Variants in CTSH observed in about 807,000 individuals in gnomAD.
CTSH encodes the protein pro-cathepsin H.
Under a neutral mutation model 56.3 loss-of-function variants are expected in CTSH, and 52 were observed. The observed-to-expected ratio is 0.92, with a 90% confidence interval of 0.74 to 1.16. The LOEUF (loss-of-function observed/expected upper bound fraction) is 1.16. Ranked by LOEUF, CTSH falls within the 50% of genes most tolerant of loss-of-function variation. The pLI is 0.00. For synonymous variants in CTSH, 174 were observed against 155.7 expected (o/e 1.12, Z -0.88); for missense variants, 406 against 424.5 (o/e 0.96, Z 0.38).
intron 10 of CTSH, among the ~76,000 whole-genome samples, chr15:78,924,392 G>T (rs541027483): frequency 6.6e-6 from 1 of 152,106 alleles, no homozygotes; most frequent in Non-Finnish European, 1.5e-5. Context: ...AACAGTGTGT[G>T]GGGGGTTAGG....
Position 78,934,990 on chromosome 15 carries a change from A to C in CTSH, c.393T>G (p.Pro131=). ...TTGCCAGGCATACCTGATTTTTCAC[A>C]GGTGAGACAAAATTTCCTTTTTTCC... ...DWRKKGNFVS[P]VKNQGACGSC... The change falls in exon 5 of 12, where the codon CCT becomes CCG. Residue 131 remains proline, a synonymous_variant. Transcript: ENST00000220166. 1.2e-6 allele frequency: 2 copies of C among 1,612,158 alleles called. No homozygotes were observed. Among genetic ancestry groups the C allele is most frequent in the Non-Finnish European group, 1.7e-6 (2 of 1,178,186 alleles).
chr15:78,921,850 C>T lies in CTSH; in HGVS notation c.*280G>A, dbSNP rs5849. On this transcript the variant is annotated 3_prime_UTR_variant, in exon 12 of 12. Transcript: ENST00000220166. ...CTGGAGCTCTATATGTGGAAAGTAGCCCTTCTGGACAGAAAGAATATTCGT... is the reference window on the plus strand; with the variant it reads ...CTGGAGCTCTATATGTGGAAAGTAGTCCTTCTGGACAGAAAGAATATTCGT... The T allele has an allele frequency of 0.053, 23,897 of 451,858 alleles. 726 individuals carry two copies. The highest frequency in any genetic ancestry group is 0.097 in the Middle Eastern group (167 of 1,714). 28.0% of individuals were successfully genotyped at this position (451,858 alleles called of 1,614,324 possible).
chr15:78,931,428 G>A lies in CTSH; in HGVS notation c.548+23C>T, dbSNP rs756352022. 2.5e-6 allele frequency: 4 copies of A among 1,614,000 alleles called. No homozygotes were observed. The South Asian group carries it at 4.4e-5, about 18-fold the overall frequency. On this transcript the variant is annotated intron_variant, in intron 7 of 11. Coordinates refer to ENST00000220166, the MANE Select transcript of CTSH (RefSeq NM_004390.5). The stretch of plus-strand genomic sequence containing the variant: ...TCAGTGGGAAATGAGGAAGTTTTGG[G>A]CCCCTTCTGGTCAGAGACGTACCCT...
At chr15:78,928,828 G>C (rs1331305986) in intron 8 of CTSH, among the ~76,000 whole-genome samples, 1 of 152,192 alleles carries the variant, frequency 6.6e-6, no homozygotes, top group Non-Finnish European at 1.5e-5. Context: ...TGGCGGCAGG[G>C]TGGGGTGGAG....
At chr15:78,931,928 T>C in intron 6 of CTSH, 1 of 1,176,882 alleles carries the variant, frequency 8.5e-7, no homozygotes. Context: ...GTCCCTCCTT[T>C]CTCCACAGAG....
intron 11 of CTSH, among the ~76,000 whole-genome samples, chr15:78,922,546 A>G (rs2054794654): frequency 1.3e-5 from 2 of 152,148 alleles, no homozygotes; most frequent in Non-Finnish European, 2.9e-5. Context: ...AGACAAGGAC[A>G]TGGAATCTGG....
In CTSH at chr15:78,921,771, T is replaced by TG. The variant is rs531627549; in HGVS notation, c.*358dup. 1.8e-5 allele frequency: 4 copies of TG among 218,408 alleles called. No homozygotes were observed. In the South Asian group the frequency reaches 3.0e-4, roughly 17 times the overall value. The allele number at this position is 218,408 out of a possible 1,614,324, so 13.5% of individuals were successfully genotyped here. ...TGGCCCAGGACCAGCATGCTCCATC[T>TG]GGGGAGGTGCTCACTCAATGTTTAT... On this transcript the variant is annotated 3_prime_UTR_variant, in exon 12 of 12. Coordinates refer to ENST00000220166, the MANE Select transcript of CTSH (RefSeq NM_004390.5).
At chr15:78,931,576 G>A in intron 6 of CTSH, 70 bp from the exon 7 acceptor site, 1 of 1,611,766 alleles carries the variant, frequency 6.2e-7, no homozygotes. Flanking sequence ...GAGGCGCTAA[G>A]CCTCCCTGGC....
At chr15:78,929,621 G>A in intron 7 of CTSH, 128 bp from the exon 8 acceptor site, 1 of 605,112 alleles carries the variant, frequency 1.7e-6, no homozygotes, top group Non-Finnish European at 2.9e-6. Context: ...CCCAGTGGCA[G>A]AGGGGGTCTC....
chr15:78,923,274 G>A (rs2054817244), intron 10 of CTSH, among the ~76,000 whole-genome samples, 156 bp from the exon 11 acceptor site: 3 of 152,208 alleles, frequency 2.0e-5, no homozygotes, highest in Non-Finnish European at 4.4e-5. Flanking sequence ...TTTAGTCTCC[G>A]TGAGAGAACT....
At chr15:78,933,671 C>G in intron 5 of CTSH, 1 of 325,358 alleles carries the variant, frequency 3.1e-6, no homozygotes, top group South Asian at 2.4e-5. Context: ...CTCGGCTGAC[C>G]CTTGGGTGCT....
chr15:78,935,512 G>A (rs1337257579), intron 4 of CTSH, among the ~76,000 whole-genome samples, 168 bp downstream of exon 4: 1 of 152,238 alleles, frequency 6.6e-6, no homozygotes, highest in Non-Finnish European at 1.5e-5. Context: ...GGCCTGGACT[G>A]AGGAACTGCT....
chr15:78,943,745 GA>G, intron 1 of CTSH, among the ~76,000 whole-genome samples: 1 of 152,308 alleles, frequency 6.6e-6, no homozygotes, highest in Admixed American at 6.5e-5. Flanking sequence ...AGTTGCTACA[GA>G]GACCACCATA....
At chr15:78,940,382 G>A (rs966413930) in intron 1 of CTSH, among the ~76,000 whole-genome samples, 3 of 151,964 alleles carry the variant, frequency 2.0e-5, no homozygotes, top group African/African-American at 7.3e-5. Flanking sequence ...CTAGGAGTTT[G>A]GGACCAGTCT....
intron 1 of CTSH, among the ~76,000 whole-genome samples, chr15:78,942,188 G>GCCCT (rs2055309083): frequency 6.7e-6 from 1 of 149,946 alleles, no homozygotes; most frequent in Admixed American, 6.7e-5. Flanking sequence ...CTATCACTCA[G>GCCCT]CCCTCCCTCC....
At chr15:78,933,640 T>C (rs1460128821) in intron 5 of CTSH, 3 of 403,280 alleles carry the variant, frequency 7.4e-6, no homozygotes, top group African/African-American at 6.1e-5. Flanking sequence ...GAGACTAAGC[T>C]CACTGCTGAA....
chr15:78,942,731 C>T (rs1050493735), intron 1 of CTSH, among the ~76,000 whole-genome samples: 18 of 152,170 alleles, frequency 1.2e-4, no homozygotes, highest in Admixed American at 1.2e-3. Context: ...GGCTCTCTCC[C>T]AGTTTTAGCA....
At chr15:78,923,201 C>G (rs527441420) in intron 10 of CTSH, 83 bp from the exon 11 acceptor site, 1 of 1,500,788 alleles carries the variant, frequency 6.7e-7, no homozygotes, top group Non-Finnish European at 9.1e-7. Flanking sequence ...CCTCTTTGAG[C>G]GCTTTAGAGC....
Position 78,925,419 on chromosome 15 carries a change from C to G in CTSH, c.721G>C (p.Glu241Gln), listed in dbSNP as rs751728319. ...ITIYDEEAMVEAVALYNPVSF... is the reference protein window; with the variant it reads ...ITIYDEEAMVQAVALYNPVSF... ...ACAGGGTTGTAGAGGGCCACAGCCTCCACCATCGCTTCCTCGTCATACTGT... is the reference window on the plus strand; with the variant it reads ...ACAGGGTTGTAGAGGGCCACAGCCTGCACCATCGCTTCCTCGTCATACTGT... The change falls in exon 10 of 12, where the codon GAG (glutamate) becomes CAG (glutamine). Residue 241 changes from glutamate to glutamine, a missense_variant. Glu to Gln is a conservative substitution (Grantham distance 29). Coordinates refer to ENST00000220166, the MANE Select transcript of CTSH (RefSeq NM_004390.5). 2.5e-6 allele frequency: 4 copies of G among 1,613,698 alleles called. No individual in the cohort carries two copies. Among genetic ancestry groups the G allele is most frequent in the Non-Finnish European group, 2.5e-6 (3 of 1,179,596 alleles).
Sources: allele counts gnomAD v4.1 joint callset (sites outside exome capture counted in the v4.1 genomes callset), GRCh38; gene constraint gnomAD v4.1.1; transcripts MANE v1.5; gene names NCBI Gene and HGNC (gene_info 2026-07-23, HGNC 2026-07-21).